ARNT: variants seen among roughly 807,000 people sequenced by gnomAD.
ARNT encodes class E basic helix-loop-helix protein 2.
In ARNT, 30 loss-of-function variants were observed where a neutral mutation model predicts 105.0. The observed-to-expected ratio is 0.29, with a 90% confidence interval of 0.21 to 0.39. The LOEUF (loss-of-function observed/expected upper bound fraction) is 0.39, where lower values mean the gene tolerates loss of function less well. Ranked by LOEUF, ARNT falls within the 10% of genes least tolerant of loss-of-function variation. ARNT has a pLI of 1.00. For missense variants in ARNT, 748 were observed against 978.7 expected, an observed-to-expected ratio of 0.76 and a Z score of 3.15; for synonymous variants, 304 against 344.0, an observed-to-expected ratio of 0.88 and a Z score of 1.29.
At chr1:150,829,398 C>T (rs1658907485) in intron 11 of ARNT, 171 bp from the exon 12 acceptor site, 2 of 655,890 alleles carry the variant, frequency 3.0e-6, no homozygotes, top group South Asian at 1.9e-5. Context: ...TCAGACAAGG[C>T]ATAAGGTCTA....
intron 10 of ARNT, chr1:150,830,232 G>C (rs1659119105): frequency 2.9e-6 from 1 of 348,188 alleles, no homozygotes; most frequent in South Asian, 4.0e-5. Context: ...TGTAATCCCA[G>C]CTACTTGGGA....
intron 7 of ARNT, among the ~76,000 whole-genome samples, chr1:150,835,462 G>A (rs1660146037): frequency 6.6e-6 from 1 of 152,068 alleles, no homozygotes; most frequent in Non-Finnish European, 1.5e-5. Flanking sequence ...AATTGGTCAA[G>A]TGTGGTGACA....
rs769609360 is a variant in ARNT at position 150,829,168 on chromosome 1, G to C, written c.1092C>G (p.Ile364Met). 6.2e-7 allele frequency: 1 copy of C among 1,614,204 alleles called. No homozygotes were observed. Among genetic ancestry groups the C allele is most frequent in the Non-Finnish European group, 8.5e-7 (1 of 1,180,020 alleles). The change falls in exon 12 of 22, where the codon ATC (isoleucine) becomes ATG (methionine). Residue 364 changes from isoleucine (I) to methionine (M), a missense_variant. Around this residue, in one of 4 missense-constraint regions of ARNT, gnomAD observed 291 missense variants for 444.6 expected, o/e 0.65. Transcript: ENST00000358595. ...MSNVCQPTEF[I>M]SRHNIEGIFT... ...AGATACCCTCAATGTTGTGTCGGGAGATGAACTCTGTTGGTTGACAAACAT... is the reference window on the plus strand; with the variant it reads ...AGATACCCTCAATGTTGTGTCGGGACATGAACTCTGTTGGTTGACAAACAT...
chr1:150,849,417 A>G (rs2102112726), intron 3 of ARNT, among the ~76,000 whole-genome samples: 1 of 152,312 alleles, frequency 6.6e-6, no homozygotes, highest in South Asian at 2.1e-4. Context: ...TCTTACTTGA[A>G]AAGAAGACAA....
intron 3 of ARNT, among the ~76,000 whole-genome samples, chr1:150,847,425 C>CAAAAAAAAAAAAAAAA: frequency 1.1e-5 from 1 of 91,750 alleles, no homozygotes; most frequent in Non-Finnish European, 2.0e-5. Context: ...GACTCCGTCT[C>CAAAAAAAAAAAAAAAA]AAAAAAAAAA....
intron 14 of ARNT, chr1:150,818,336 T>TA: frequency 4.5e-6 from 1 of 222,906 alleles, no homozygotes; most frequent in Non-Finnish European, 8.7e-6. Context: ...AAAGCATAGG[T>TA]AAAAAAATGA....
Position 150,813,215 on chromosome 1 carries a change from T to G in ARNT, c.2237A>C (p.Gln746Pro). The change falls in exon 21 of 22, where the codon CAA (glutamine) becomes CCA (proline). Residue 746 changes from glutamine to proline, a missense_variant. Gln to Pro is a moderately conservative substitution (Grantham distance 76, BLOSUM62 -1). Transcript: ENST00000358595. ...GCCAGGTTGCTGTGCTGGCGGTTGT[T>G]GAACATGTTGCTCACTAGAACTTGA... ...HRSSSSEQHV[Q>P]QPPAQQPGQP... The G allele has an allele frequency of 6.2e-7, 1 of 1,613,730 alleles. No individual in the cohort carries two copies. The highest frequency in any genetic ancestry group is 8.5e-7 in the Non-Finnish European group (1 of 1,179,852).
chr1:150,835,981 T>C (rs2101903527), intron 7 of ARNT, among the ~76,000 whole-genome samples: 1 of 151,998 alleles, frequency 6.6e-6, no homozygotes, highest in South Asian at 2.1e-4. Context: ...GATAAAAACA[T>C]GGATAATTCT....
At chr1:150,856,198 G>A (rs1664575433) in intron 2 of ARNT, among the ~76,000 whole-genome samples, 1 of 151,956 alleles carries the variant, frequency 6.6e-6, no homozygotes. Context: ...CCCGCACTTC[G>A]GGAGGCCAAG....
At chr1:150,835,138 CAA>C (rs11459475) in intron 7 of ARNT, among the ~76,000 whole-genome samples, 4 of 134,220 alleles carry the variant, frequency 3.0e-5, no homozygotes, top group African/African-American at 5.6e-5. Flanking sequence ...GACCTTGTCT[CAA>C]AAAAAAAAAA....
intron 20 of ARNT, among the ~76,000 whole-genome samples, chr1:150,813,708 G>A (rs1447671066): frequency 1.3e-5 from 2 of 151,528 alleles, no homozygotes; most frequent in South Asian, 2.1e-4. Context: ...GCAAAGGCGC[G>A]ATCTCAGCTC....
chr1:150,859,962 G>A (rs1173257400), intron 1 of ARNT, among the ~76,000 whole-genome samples: 4 of 150,680 alleles, frequency 2.7e-5, no homozygotes, highest in Non-Finnish European at 5.9e-5. Context: ...AGTCGTGATT[G>A]CACCACTGCA....
At chr1:150,859,513 ATTT>A (rs914393279) in intron 1 of ARNT, among the ~76,000 whole-genome samples, 1 of 146,500 alleles carries the variant, frequency 6.8e-6, no homozygotes, top group African/African-American at 2.5e-5. Flanking sequence ...CACCTCGGTG[ATTT>A]TTTTTTTCTT....
At chr1:150,872,097 T>C (rs1041513512) in intron 1 of ARNT, among the ~76,000 whole-genome samples, 5 of 152,014 alleles carry the variant, frequency 3.3e-5, no homozygotes, top group Admixed American at 6.6e-5. Context: ...GCTGGGACTA[T>C]AGAAGTGCAC....
intron 1 of ARNT, among the ~76,000 whole-genome samples, chr1:150,862,144 T>TTACATAG (rs1287641358): frequency 6.6e-6 from 1 of 152,220 alleles, no homozygotes; most frequent in East Asian, 1.9e-4. Context: ...TTTTTAACAG[T>TTACATAG]TACATAGTAC....
intron 9 of ARNT, 122 bp downstream of exon 9, chr1:150,832,212 G>A: frequency 1.0e-6 from 1 of 988,308 alleles, no homozygotes; most frequent in South Asian, 1.4e-5. Flanking sequence ...GGGATGTTAA[G>A]TGGGAGGTAA....
chr1:150,820,569 ATCACTTGAGCCTGGGAGGT>A (rs2101664425), intron 14 of ARNT, among the ~76,000 whole-genome samples: 1 of 152,312 alleles, frequency 6.6e-6, no homozygotes, highest in East Asian at 1.9e-4. Flanking sequence ...AGGTGGGAGG[ATCACTTGAGCCTGGGAGGT>A]TCAAGCTGCA....
intron 12 of ARNT, among the ~76,000 whole-genome samples, chr1:150,828,486 G>A (rs1188678704): frequency 6.6e-6 from 1 of 151,624 alleles, no homozygotes; most frequent in Non-Finnish European, 1.5e-5. Flanking sequence ...CTGGTCTATT[G>A]ATCTATATAT....
intron 1 of ARNT, among the ~76,000 whole-genome samples, chr1:150,871,492 G>T (rs1345388265): frequency 1.3e-5 from 2 of 149,680 alleles, no homozygotes; most frequent in Non-Finnish European, 3.0e-5. Flanking sequence ...GTAGAGACAG[G>T]GTTTCTCCAT....
Sources: allele counts gnomAD v4.1 joint callset (sites outside exome capture counted in the v4.1 genomes callset), GRCh38; gene constraint gnomAD v4.1.1; regional missense constraint gnomAD v4.1.1; transcripts MANE v1.5; gene names NCBI Gene and HGNC (gene_info 2026-07-23, HGNC 2026-07-21).